Variants in ATF6 observed in about 807,000 individuals in gnomAD.
The protein encoded by ATF6 is cyclic AMP-dependent transcription factor ATF-6 alpha.
Under a neutral mutation model 83.6 loss-of-function variants are expected in ATF6, and 53 were observed. That is an observed-to-expected ratio of 0.63 (90% CI 0.51 to 0.80). The LOEUF (loss-of-function observed/expected upper bound fraction) is 0.80. Among genes scored for constraint, ATF6 ranks in the 30% least tolerant of loss-of-function variants. The pLI is 0.00. For missense variants in ATF6, 744 were observed against 797.9 expected, an observed-to-expected ratio of 0.93 and a Z score of 0.81; for synonymous variants, 288 against 285.8, an observed-to-expected ratio of 1.01 and a Z score of -0.08.
At chr1:161,907,286 G>A (rs900772422) in intron 14 of ATF6, among the ~76,000 whole-genome samples, 7 of 152,158 alleles carry the variant, frequency 4.6e-5, no homozygotes, top group African/African-American at 1.4e-4. Context: ...AAGCTCTCTA[G>A]GACAGGGACA....
At chr1:161,807,635 T>C (rs1685322716) in intron 7 of ATF6, among the ~76,000 whole-genome samples, 1 of 152,202 alleles carries the variant, frequency 6.6e-6, no homozygotes, top group South Asian at 2.1e-4. Flanking sequence ...ATATGCTTTG[T>C]TTAAATATTT....
intron 15 of ATF6, among the ~76,000 whole-genome samples, chr1:161,951,768 C>T (rs1427675748): frequency 6.6e-6 from 1 of 152,146 alleles, no homozygotes; most frequent in Non-Finnish European, 1.5e-5. Context: ...TCTGGTTTCA[C>T]AGAACTTGAG....
At chr1:161,916,335 TTAAA>T (rs1413263004) in intron 15 of ATF6, among the ~76,000 whole-genome samples, 1 of 152,232 alleles carries the variant, frequency 6.6e-6, no homozygotes, top group Non-Finnish European at 1.5e-5. Flanking sequence ...CTAGAGACCC[TTAAA>T]TAGATACCAC....
intron 14 of ATF6, among the ~76,000 whole-genome samples, chr1:161,893,658 G>T (rs1687608169): frequency 1.3e-5 from 2 of 152,102 alleles, no homozygotes; most frequent in Admixed American, 6.5e-5. Context: ...TATTTTCCCT[G>T]TAAGGTGTTC....
intron 15 of ATF6, among the ~76,000 whole-genome samples, chr1:161,933,383 A>G (rs181369079): frequency 2.0e-5 from 3 of 152,332 alleles, no homozygotes; most frequent in Admixed American, 1.3e-4. Flanking sequence ...TACATTTGCT[A>G]CTTATTAATC....
At chr1:161,867,249 C>T (rs183002688) in intron 14 of ATF6, among the ~76,000 whole-genome samples, 48 of 151,880 alleles carry the variant, frequency 3.2e-4, no homozygotes, top group African/African-American at 1.1e-3. Flanking sequence ...GAGCCGAGAT[C>T]GCGCCACTGC....
intron 15 of ATF6, among the ~76,000 whole-genome samples, chr1:161,924,467 C>A (rs1158971585): frequency 6.6e-6 from 1 of 152,128 alleles, no homozygotes; most frequent in East Asian, 1.9e-4. Context: ...ATTATATGTT[C>A]CTGTGTTAAG....
intron 6 of ATF6, among the ~76,000 whole-genome samples, chr1:161,794,844 A>T (rs1165255376): frequency 6.6e-6 from 1 of 152,204 alleles, no homozygotes; most frequent in Non-Finnish European, 1.5e-5. Flanking sequence ...TGGAATATCA[A>T]TGAAAGTGGA....
intron 9 of ATF6, among the ~76,000 whole-genome samples, chr1:161,842,507 T>C (rs909901827): frequency 2.6e-5 from 4 of 152,124 alleles, no homozygotes; most frequent in African/African-American, 7.2e-5. Flanking sequence ...CTGTGGTATA[T>C]ATATATGATG....
At chr1:161,794,776 A>G (rs1684973688) in intron 6 of ATF6, among the ~76,000 whole-genome samples, 1 of 152,186 alleles carries the variant, frequency 6.6e-6, no homozygotes, top group African/African-American at 2.4e-5. Context: ...TCTACTTCTC[A>G]GTCCTCCATG....
intron 14 of ATF6, among the ~76,000 whole-genome samples, chr1:161,870,083 A>G (rs886243557): frequency 4.0e-5 from 6 of 151,598 alleles, no homozygotes; most frequent in African/African-American, 1.5e-4. Flanking sequence ...TTTTAGATGT[A>G]TTACAGCATA....
chr1:161,958,320 AC>A, intron 15 of ATF6, 125 bp from the exon 16 acceptor site: 1 of 873,710 alleles, frequency 1.1e-6, no homozygotes, highest in Non-Finnish European at 1.7e-6. Context: ...GTCCCTCTGC[AC>A]CCCTTGAAAG....
intron 14 of ATF6, among the ~76,000 whole-genome samples, chr1:161,908,760 T>C (rs1687927078): frequency 6.6e-6 from 1 of 152,232 alleles, no homozygotes; most frequent in African/African-American, 2.4e-5. Flanking sequence ...ATTCTTATTC[T>C]ACTATCCTTT....
At chr1:161,817,526 T>C (rs776148496) in intron 7 of ATF6, among the ~76,000 whole-genome samples, 5 of 152,212 alleles carry the variant, frequency 3.3e-5, no homozygotes, top group African/African-American at 4.8e-5. Flanking sequence ...TGTGTGTGTG[T>C]GTGAGTGTGT....
intron 15 of ATF6, among the ~76,000 whole-genome samples, chr1:161,933,616 A>C (rs1340238055): frequency 2.0e-5 from 3 of 152,244 alleles, no homozygotes; most frequent in Non-Finnish European, 4.4e-5. Flanking sequence ...TAATTTAACA[A>C]AATAGGTGAT....
At chr1:161,778,533 C>G (rs1288448196) in intron 2 of ATF6, among the ~76,000 whole-genome samples, 1 of 152,032 alleles carries the variant, frequency 6.6e-6, no homozygotes, top group Admixed American at 6.6e-5. Flanking sequence ...CTAGGCCCAC[C>G]TTTGGCCCTA....
chr1:161,772,444 C>G, intron 1 of ATF6, among the ~76,000 whole-genome samples: 1 of 152,196 alleles, frequency 6.6e-6, no homozygotes, highest in East Asian at 1.9e-4. Context: ...TTCAAACCTC[C>G]AACATCTCTC....
intron 7 of ATF6, among the ~76,000 whole-genome samples, chr1:161,812,569 T>G (rs1260842146): frequency 2.6e-5 from 4 of 151,644 alleles, no homozygotes; most frequent in Non-Finnish European, 5.9e-5. Context: ...ATTTTTGTAT[T>G]TTTAGTAGAG....
At chr1:161,868,955 G>T (rs975532470) in intron 14 of ATF6, among the ~76,000 whole-genome samples, 3 of 152,002 alleles carry the variant, frequency 2.0e-5, no homozygotes, top group African/African-American at 7.2e-5. Flanking sequence ...GGAGTAGATT[G>T]TTGTTAGACC....
Sources: gnomAD v4.1 joint callset for allele counts (sites outside exome capture counted in the v4.1 genomes callset) on GRCh38, gnomAD v4.1.1 for gene constraint, MANE v1.5 for transcripts, NCBI Gene and HGNC (gene_info 2026-07-23, HGNC 2026-07-21) for gene names.